The following NKAIN3 variants were observed in gnomAD, a reference collection of about 807,000 sequenced individuals.
NKAIN3 encodes sodium/potassium-transporting ATPase subunit beta-1-interacting protein 3.
In NKAIN3, 25 loss-of-function variants were observed where a neutral mutation model predicts 30.2. The ratio of observed to expected loss-of-function variants is 0.83; its 90% CI spans 0.60 to 1.16. The LOEUF is 1.16. Among genes scored for constraint, NKAIN3 ranks in the 50% most tolerant of loss-of-function variants. The probability of loss-of-function intolerance (pLI) is 0.00; values close to 1 mark genes in which losing one functional copy is unlikely to be tolerated. For synonymous variants in NKAIN3, 91 were observed against 89.6 expected (o/e 1.02, Z -0.09); for missense variants, 225 against 254.1 (o/e 0.89, Z 0.78).
chr8:62,546,037 T>C lies in NKAIN3; in HGVS notation c.55-33502T>C, dbSNP rs566384002. 5.3e-5 allele frequency among the ~76,000 whole-genome samples: 8 copies of C among 152,320 alleles called. No individual in the cohort carries two copies. In the South Asian group the frequency reaches 1.4e-3, roughly 28 times the overall value. On this transcript the variant is annotated intron_variant, in intron 1 of 6. Coordinates refer to ENST00000623646, the MANE Select transcript of NKAIN3 (RefSeq NM_001304533.3). ...ATTTTAATATACATTTCTGTGAGTT[T>C]GAGCATTTATCCAAACACGATCTTT...
At chr8:62,863,568 T>G in intron 4 of NKAIN3, 1 of 1,176,008 alleles carries the variant, frequency 8.5e-7, no homozygotes, top group Admixed American at 1.7e-5. Context: ...CCCAAGACCA[T>G]GCAGACATGT....
chr8:62,995,551 C>T (rs1016049309), intron 5 of NKAIN3, among the ~76,000 whole-genome samples: 5 of 151,952 alleles, frequency 3.3e-5, no homozygotes, highest in Non-Finnish European at 7.4e-5. Flanking sequence ...CAAAGAAAAG[C>T]TAAACTGATC....
intron 4 of NKAIN3, chr8:62,857,054 C>T: frequency 2.0e-6 from 1 of 499,778 alleles, no homozygotes; most frequent in Non-Finnish European, 4.0e-6. Context: ...TCATCGGCCT[C>T]AGTTTTGTAA....
chr8:62,992,584 C>G (rs1824343946), intron 5 of NKAIN3, among the ~76,000 whole-genome samples: 1 of 151,916 alleles, frequency 6.6e-6, no homozygotes. Context: ...TTCCCTCACC[C>G]TCACCCATCC....
intron 4 of NKAIN3, among the ~76,000 whole-genome samples, chr8:62,792,776 G>A (rs1225983962): frequency 6.6e-6 from 1 of 151,986 alleles, no homozygotes; most frequent in Non-Finnish European, 1.5e-5. Context: ...AAAAAGCCAG[G>A]GAATAATATT....
chr8:62,548,823 C>CATAGTTTATAA (rs1400407049), intron 1 of NKAIN3, among the ~76,000 whole-genome samples: 6 of 118,274 alleles, frequency 5.1e-5, no homozygotes, highest in Admixed American at 8.3e-5. Flanking sequence ...ATATGATGAA[C>CATAGTTTATAA]AAATAAAATG....
intron 2 of NKAIN3, among the ~76,000 whole-genome samples, chr8:62,585,390 C>G (rs931828480): frequency 6.6e-6 from 1 of 152,196 alleles, no homozygotes; most frequent in Admixed American, 6.5e-5. Context: ...ATGAAAACAA[C>G]TTTGCCACAT....
At chr8:62,685,628 T>C (rs1813775946) in intron 3 of NKAIN3, among the ~76,000 whole-genome samples, 1 of 152,194 alleles carries the variant, frequency 6.6e-6, no homozygotes, top group Admixed American at 6.5e-5. Flanking sequence ...TTGTCTAAGC[T>C]TCATTGCTAC....
chr8:62,268,389 T>C (rs537060619), intron 1 of NKAIN3, among the ~76,000 whole-genome samples: 1 of 152,280 alleles, frequency 6.6e-6, no homozygotes, highest in African/African-American at 2.4e-5. Context: ...GATCAATCCC[T>C]GTAAAATGGT....
intron 5 of NKAIN3, among the ~76,000 whole-genome samples, chr8:62,936,908 G>A (rs1257589053): frequency 6.6e-6 from 1 of 152,006 alleles, no homozygotes. Flanking sequence ...CAGTTATTAA[G>A]CTTAAAGTAA....
chr8:62,818,060 T>C (rs189051229), intron 4 of NKAIN3, among the ~76,000 whole-genome samples: 1 of 152,300 alleles, frequency 6.6e-6, no homozygotes, highest in Non-Finnish European at 1.5e-5. Flanking sequence ...TATCATTTTA[T>C]CTGTGTGACT....
chr8:62,687,298 G>A (rs916232245), intron 3 of NKAIN3, among the ~76,000 whole-genome samples: 3 of 152,162 alleles, frequency 2.0e-5, no homozygotes, highest in Non-Finnish European at 4.4e-5. Context: ...TCTGTTATTT[G>A]GTTAGTCTTC....
At chr8:62,288,343 T>A (rs1028596785) in intron 1 of NKAIN3, among the ~76,000 whole-genome samples, 1 of 152,182 alleles carries the variant, frequency 6.6e-6, no homozygotes, top group African/African-American at 2.4e-5. Flanking sequence ...CTGCACCCGT[T>A]AACTCATTAT....
intron 1 of NKAIN3, among the ~76,000 whole-genome samples, chr8:62,498,710 A>T (rs984548189): frequency 7.0e-6 from 1 of 142,662 alleles, no homozygotes; most frequent in South Asian, 2.1e-4. Flanking sequence ...GTGAGGATGT[A>T]TGTCTTTTTT....
chr8:62,784,636 A>G (rs1817459409), intron 4 of NKAIN3, among the ~76,000 whole-genome samples: 1 of 152,084 alleles, frequency 6.6e-6, no homozygotes, highest in Non-Finnish European at 1.5e-5. Flanking sequence ...TCACCCAACA[A>G]CAACAACAAA....
chr8:62,491,338 T>A lies in NKAIN3; in HGVS notation c.55-88201T>A, dbSNP rs1452516314. Among the ~76,000 whole-genome samples the A allele has an allele frequency of 2.6e-5, 4 of 152,312 alleles. No individual in the cohort carries two copies. The East Asian group carries it at 7.7e-4, about 29-fold the overall frequency. On this transcript the variant is annotated intron_variant, in intron 1 of 6. Coordinates refer to ENST00000623646, the MANE Select transcript of NKAIN3 (RefSeq NM_001304533.3). ...TGGTCAGATAGTGTTCTGGCCTTTATCTCCATGTTGTCTCCATTGTTATTT... is the reference window on the plus strand; with the variant it reads ...TGGTCAGATAGTGTTCTGGCCTTTAACTCCATGTTGTCTCCATTGTTATTT...
intron 4 of NKAIN3, among the ~76,000 whole-genome samples, chr8:62,880,732 G>T (rs1241904259): frequency 1.3e-5 from 2 of 152,168 alleles, no homozygotes; most frequent in African/African-American, 2.4e-5. Flanking sequence ...GGGGACTCCA[G>T]ATAGAAGATT....
At chr8:62,491,603 C>CAATAAT (rs1807068889) in intron 1 of NKAIN3, among the ~76,000 whole-genome samples, 1 of 152,012 alleles carries the variant, frequency 6.6e-6, no homozygotes, top group Admixed American at 6.6e-5. Context: ...TCACTGTAGC[C>CAATAAT]TGAATAAAAT....
At position 62,811,300 on chromosome 8, in the gene NKAIN3, G is replaced by C. The variant is rs773646223; in HGVS notation, c.471+64171G>C. On this transcript the variant is annotated intron_variant, in intron 4 of 6. Coordinates refer to ENST00000623646, the MANE Select transcript of NKAIN3 (RefSeq NM_001304533.3). ...GGACATCTATGTTGTTTACAGTTTT[G>C]GGCCATTACAAATAAAGCTGTTATG... Among the ~76,000 whole-genome samples, 2 of 151,850 alleles carry C rather than the reference G, an allele frequency of 1.3e-5. 1 individual carries two copies.
Sources: allele counts gnomAD v4.1 joint callset (sites outside exome capture counted in the v4.1 genomes callset), GRCh38; gene constraint gnomAD v4.1.1; transcripts MANE v1.5; gene names NCBI Gene and HGNC (gene_info 2026-07-23, HGNC 2026-07-21).